TSNAXIP1: variants seen among roughly 807,000 people sequenced by gnomAD.
TSNAXIP1 encodes translin-associated factor X-interacting protein 1.
A neutral mutation model predicts 84.8 loss-of-function variants in TSNAXIP1; 89 were observed. The observed-to-expected ratio is 1.05, with a 90% CI of 0.88 to 1.25. TSNAXIP1 has a LOEUF of 1.25. TSNAXIP1 is among the 50% of genes most tolerant of loss of function. The pLI, the probability that TSNAXIP1 is intolerant of heterozygous loss-of-function variation, is 0.00. For missense variants in TSNAXIP1, 874 were observed against 887.6 expected (o/e 0.98, Z 0.20); for synonymous variants, 347 against 335.2 (o/e 1.04, Z -0.39).
chr16:67,823,567 T>G, intron 4 of TSNAXIP1, 59 bp from the exon 5 acceptor site: 1 of 1,378,976 alleles, frequency 7.3e-7, no homozygotes, highest in Non-Finnish European at 1.0e-6. Flanking sequence ...AGAAAAACAG[T>G]TCCCCACTAA....
intron 1 of TSNAXIP1, among the ~76,000 whole-genome samples, chr16:67,812,170 C>T (rs2056144733): frequency 6.6e-6 from 1 of 151,878 alleles, no homozygotes; most frequent in African/African-American, 2.4e-5. Context: ...CACACACCCC[C>T]ACCCCATGGA....
intron 1 of TSNAXIP1, among the ~76,000 whole-genome samples, chr16:67,809,024 A>C (rs1225550653): frequency 4.8e-5 from 7 of 146,670 alleles, no homozygotes; most frequent in Non-Finnish European, 9.0e-5. Flanking sequence ...CTGTCCCTAC[A>C]AATAATAATA....
chr16:67,817,794 G>A (rs1360136338), intron 2 of TSNAXIP1, among the ~76,000 whole-genome samples: 1 of 152,034 alleles, frequency 6.6e-6, no homozygotes, highest in Non-Finnish European at 1.5e-5. Flanking sequence ...GCTGAGGCAG[G>A]AGAATTGCTT....
At chr16:67,813,787 G>T (rs537104404) in intron 1 of TSNAXIP1, among the ~76,000 whole-genome samples, 13 of 148,474 alleles carry the variant, frequency 8.8e-5, no homozygotes, top group African/African-American at 2.7e-4. Flanking sequence ...GAAGAAACCA[G>T]GCTGAGAAAT....
intron 1 of TSNAXIP1, among the ~76,000 whole-genome samples, chr16:67,809,909 A>G (rs1429466099): frequency 6.6e-6 from 1 of 152,144 alleles, no homozygotes; most frequent in East Asian, 1.9e-4. Context: ...AGATCGGGCC[A>G]CTGCACTCCA....
In TSNAXIP1 at chr16:67,807,788, A is replaced by G. The variant is rs2055607208; in HGVS notation, c.47+592A>G. The stretch of plus-strand genomic sequence containing the variant: ...AACCCCCACACCCGGCCTACGTACC[A>G]TATTTAATCCTCACAACAACTGTAT... On this transcript the variant is annotated intron_variant, in intron 1 of 15. Coordinates refer to ENST00000561639, the MANE Select transcript of TSNAXIP1 (RefSeq NM_001288990.3). The G allele has an allele frequency of 1.6e-5, 3 of 192,086 alleles. No homozygotes were observed. The South Asian group carries it at 2.3e-4, about 14-fold the overall frequency. 11.9% of individuals were successfully genotyped at this position (192,086 alleles called of 1,614,324 possible).
rs114326454 is a variant in TSNAXIP1 at position 67,820,853 on chromosome 16, C to G, written c.162C>G (p.Ser54=). The change falls in exon 3 of 16, where the codon TCC becomes TCG. Residue 54 remains serine (S), a synonymous_variant. Coordinates refer to ENST00000561639, the MANE Select transcript of TSNAXIP1 (RefSeq NM_001288990.3). ...QKRRTLTGQF[S]MGGHLSPWPT... ...CCTCCCTGCAGACTGGTCAGTTCTC[C>G]ATGGGTGGGCACCTGTCCCCATGGC... 4,600 of 1,559,312 alleles carry G rather than the reference C, an allele frequency of 3.0e-3. 85 individuals carry two copies. In the African/African-American group the frequency reaches 0.048, roughly 16 times the overall value.
chr16:67,807,052 G>C lies in TSNAXIP1; in HGVS notation c.-98G>C. The C allele has an allele frequency of 6.7e-7, 1 of 1,486,304 alleles. No individual in the cohort carries two copies. Among genetic ancestry groups the C allele is most frequent in the East Asian group, 2.5e-5 (1 of 40,106 alleles). The allele number at this position is 1,486,304 out of a possible 1,614,324, so 92.1% of individuals were successfully genotyped here. On this transcript the variant is annotated 5_prime_UTR_variant, in exon 1 of 16. Transcript: ENST00000561639. ...GCGCATCCCTGACTCCGCCCCCGCC[G>C]CGGGGGGGCCTCTGGGGCCTGGTCG...
Position 67,827,003 on chromosome 16 carries a change from C to T in TSNAXIP1, c.1595C>T (p.Ala532Val), listed in dbSNP as rs1232755629. The T allele has an allele frequency of 1.2e-6, 2 of 1,614,016 alleles. No homozygotes were observed. The highest frequency in any genetic ancestry group is 2.7e-5 in the African/African-American group (2 of 74,882). ...NVYVTQKETV[A>V]QLLKEMTNAD... The stretch of plus-strand genomic sequence containing the variant: ...TATGTCACCCAGAAGGAGACAGTAG[C>T]CCAGCTGCTGAAGGAGATGACAAAT... The change falls in exon 13 of 16, where the codon GCC (alanine) becomes GTC (valine). Residue 532 changes from alanine to valine, a missense_variant. Ala to Val is a moderately conservative substitution (Grantham distance 64, BLOSUM62 0). Coordinates refer to ENST00000561639, the MANE Select transcript of TSNAXIP1 (RefSeq NM_001288990.3).
Position 67,826,047 on chromosome 16 carries a change from C to T in TSNAXIP1, c.1115C>T (p.Thr372Met), listed in dbSNP as rs541772367. ...SELQEIQRTS[T>M]PRPDWTKCKD... ...CTGCAGGAGATCCAGCGCACTTCCA[C>T]GCCGCGGCCTGACTGGACCAAGTGC... Residue 372 changes from threonine to methionine, a missense_variant, in exon 9 of 16, where the codon ACG becomes ATG. Transcript: ENST00000561639. 155 of 1,613,690 alleles carry T rather than the reference C, an allele frequency of 9.6e-5. No individual in the cohort carries two copies. Among genetic ancestry groups the T allele is most frequent in the Middle Eastern group, 3.3e-4 (2 of 6,084 alleles).
Position 67,827,263 on chromosome 16 carries a change from G to A in TSNAXIP1, c.1679G>A (p.Ser560Asn), listed in dbSNP as rs939861737. ...CTCCCCTACAGCACTGTCCTCAAGA[G>A]TACCTTCCCTCTCAAGACAGAAGAG... is the stretch of plus-strand genomic sequence containing the variant. ...TMEQFNTVLK[S>N]TFPLKTEEQI... The change falls in exon 14 of 16, where the codon AGT becomes AAT. Residue 560 changes from serine (S) to asparagine (N), a missense_variant. Ser to Asn is a conservative substitution (Grantham distance 46). Coordinates refer to ENST00000561639, the MANE Select transcript of TSNAXIP1 (RefSeq NM_001288990.3). The A allele has an allele frequency of 1.9e-6, 3 of 1,614,102 alleles. No individual in the cohort carries two copies. Among genetic ancestry groups the A allele is most frequent in the Middle Eastern group, 1.6e-4 (1 of 6,084 alleles).
chr16:67,821,844 C>A (rs967799960), intron 4 of TSNAXIP1, among the ~76,000 whole-genome samples: 5 of 150,866 alleles, frequency 3.3e-5, no homozygotes, highest in African/African-American at 1.2e-4. Context: ...ACAAAACCTG[C>A]AGTGGTGGTA....
In TSNAXIP1 at chr16:67,825,724, A is replaced by T. The variant is rs1250504086; in HGVS notation, c.872A>T (p.Asp291Val). The change falls in exon 8 of 16, where the codon GAC (aspartate) becomes GTC (valine). Residue 291 changes from aspartate (D) to valine (V), a missense_variant. By Grantham distance (152) the Asp-to-Val change is radical (BLOSUM62 -3). Coordinates refer to ENST00000561639, the MANE Select transcript of TSNAXIP1 (RefSeq NM_001288990.3). ...LTLALKMTRQ[D>V]LTRTQMELNN... is the part of the protein sequence containing the mutation. ...CTGGCTCTTAAGATGACCCGGCAAG[A>T]CCTGACCCGCACGCAGATGGAACTC... 6.2e-7 allele frequency: 1 copy of T among 1,614,132 alleles called. No homozygotes were observed. Among genetic ancestry groups the T allele is most frequent in the Non-Finnish European group, 8.5e-7 (1 of 1,180,022 alleles).
chr16:67,819,403 C>T (rs991038027), intron 2 of TSNAXIP1, among the ~76,000 whole-genome samples: 1 of 151,194 alleles, frequency 6.6e-6, no homozygotes, highest in Non-Finnish European at 1.5e-5. Flanking sequence ...GCCACCATGC[C>T]CGGCTAATTT....
At chr16:67,825,416 A>G (rs1158459717) in intron 7 of TSNAXIP1, 144 bp downstream of exon 7, 4 of 1,247,920 alleles carry the variant, frequency 3.2e-6, no homozygotes, top group Admixed American at 2.4e-5. Flanking sequence ...TGCCTCCCGC[A>G]GGGCTGTGTA....
At chr16:67,814,632 A>C (rs2056390337) in intron 2 of TSNAXIP1, among the ~76,000 whole-genome samples, 1 of 151,964 alleles carries the variant, frequency 6.6e-6, no homozygotes. Flanking sequence ...GCCTTCCCGG[A>C]TCTCCCTAGG....
intron 1 of TSNAXIP1, among the ~76,000 whole-genome samples, chr16:67,813,744 A>AAAAAAAAAAAC (rs2056314754): frequency 6.6e-6 from 1 of 151,610 alleles, no homozygotes; most frequent in Non-Finnish European, 1.5e-5. Flanking sequence ...AAAAAAAAAA[A>AAAAAAAAAAAC]AAAAAAAAAA....
intron 4 of TSNAXIP1, 54 bp from the exon 5 acceptor site, chr16:67,823,572 C>A: frequency 7.0e-7 from 1 of 1,426,708 alleles, no homozygotes; most frequent in Non-Finnish European, 9.9e-7. Context: ...AACAGTTCCC[C>A]ACTAAGGTTG....
chr16:67,811,845 C>T (rs879914293), intron 1 of TSNAXIP1, among the ~76,000 whole-genome samples: 3 of 152,166 alleles, frequency 2.0e-5, no homozygotes, highest in Non-Finnish European at 4.4e-5. Context: ...CACCCAAGCT[C>T]ATCTGGGCAG....
Sources: allele counts gnomAD v4.1 joint callset (sites outside exome capture counted in the v4.1 genomes callset), GRCh38; gene constraint gnomAD v4.1.1; transcripts MANE v1.5; gene names NCBI Gene and HGNC (gene_info 2026-07-23, HGNC 2026-07-21).